KIAA0586: variants seen among roughly 807,000 people sequenced by gnomAD.
KIAA0586 encodes the protein KIAA0586.
In KIAA0586, 144 loss-of-function variants were observed where a neutral mutation model predicts 169.8. The ratio of observed to expected loss-of-function variants is 0.85; its 90% CI spans 0.74 to 0.97. KIAA0586 has a LOEUF of 0.97. Among genes scored for constraint, KIAA0586 ranks in the 50% least tolerant of loss-of-function variants. The pLI is 0.00. For synonymous variants in KIAA0586, 625 were observed against 612.4 expected (o/e 1.02, Z -0.30); for missense variants, 1,854 against 1,823.0 (o/e 1.02, Z -0.31).
chr14:58,456,679 G>A lies in KIAA0586; in HGVS notation c.1254-23G>A, dbSNP rs572804515. ...AACTTTTTCAAAAATCTTCTGTAGC[G>A]TTGAAACTCTACCTTCTCAAAGATT... On this transcript the variant is annotated intron_variant, in intron 9 of 30. Coordinates refer to ENST00000652326, the MANE Select transcript of KIAA0586 (RefSeq NM_001329943.3). 98 of 1,381,238 alleles carry A rather than the reference G, an allele frequency of 7.1e-5. No homozygotes were observed. In the East Asian group the frequency reaches 1.2e-3, roughly 17 times the overall value. The allele number at this position is 1,381,238 out of a possible 1,614,324, so 85.6% of individuals were successfully genotyped here.
chr14:58,510,122 G>A (rs552295818), intron 28 of KIAA0586, among the ~76,000 whole-genome samples: 26 of 152,336 alleles, frequency 1.7e-4, no homozygotes, highest in Non-Finnish European at 2.8e-4. Context: ...TGTAATCCCA[G>A]CACTTTGGGA....
At chr14:58,531,145 G>A (rs1248143537) in intron 29 of KIAA0586, among the ~76,000 whole-genome samples, 1 of 148,586 alleles carries the variant, frequency 6.7e-6, no homozygotes, top group African/African-American at 2.5e-5. Flanking sequence ...GTGAAACCCC[G>A]TCTCTACTAA....
At chr14:58,506,866 G>T (rs1160376318) in intron 27 of KIAA0586, among the ~76,000 whole-genome samples, 1 of 135,182 alleles carries the variant, frequency 7.4e-6, no homozygotes, top group Non-Finnish European at 1.6e-5. Context: ...TTCAGGCTGG[G>T]TGCAGTGCAG....
chr14:58,511,602 G>A (rs560431306), intron 28 of KIAA0586, among the ~76,000 whole-genome samples: 129 of 152,276 alleles, frequency 8.5e-4, no homozygotes, highest in Non-Finnish European at 1.7e-3. Context: ...ACCCATCTTA[G>A]AAATACACAC....
chr14:58,473,867 T>C (rs1236889936), intron 18 of KIAA0586, among the ~76,000 whole-genome samples: 5 of 151,936 alleles, frequency 3.3e-5, no homozygotes, highest in African/African-American at 4.8e-5. Flanking sequence ...GATCGCACCA[T>C]TGGACTCCAG....
Position 58,490,229 on chromosome 14 carries a change from G to A in KIAA0586, c.3847G>A (p.Ala1283Thr). The part of the protein sequence containing the change: ...NDSLSSTLHD[A>T]VEMEDDPPSE... ...TAGCTTATCCAGCACTCTGCATGATGCCGTTGAAATGGTAAGTAACGATTG... is the reference window on the plus strand; with the variant it reads ...TAGCTTATCCAGCACTCTGCATGATACCGTTGAAATGGTAAGTAACGATTG... Residue 1283 changes from alanine (A) to threonine (T), a missense_variant, in exon 25 of 31, where the codon GCC (alanine) becomes ACC (threonine). Physicochemically the swap from Ala to Thr is moderately conservative, Grantham distance 58. Transcript: ENST00000652326. 1 of 1,530,796 alleles carries A rather than the reference G, an allele frequency of 6.5e-7. No individual in the cohort carries two copies. Among genetic ancestry groups the A allele is most frequent in the East Asian group, 2.4e-5 (1 of 41,272 alleles). The allele number at this position is 1,530,796 out of a possible 1,614,324, so 94.8% of individuals were successfully genotyped here.
At chr14:58,539,293 T>C (rs2140092324) in intron 29 of KIAA0586, among the ~76,000 whole-genome samples, 1 of 152,328 alleles carries the variant, frequency 6.6e-6, no homozygotes, top group South Asian at 2.1e-4. Context: ...AACTGATTTT[T>C]ATCTTAAAGA....
chr14:58,515,259 A>G (rs1213183853), intron 29 of KIAA0586, among the ~76,000 whole-genome samples: 3 of 152,074 alleles, frequency 2.0e-5, no homozygotes. Flanking sequence ...TAAGTATCAA[A>G]GTGCTAAAAG....
At chr14:58,469,975 G>A (rs1289980393) in intron 16 of KIAA0586, among the ~76,000 whole-genome samples, 1 of 151,796 alleles carries the variant, frequency 6.6e-6, no homozygotes. Context: ...CATTTCACCA[G>A]TACTTCCAAG....
intron 29 of KIAA0586, among the ~76,000 whole-genome samples, chr14:58,518,639 A>G (rs1022326242): frequency 1.3e-5 from 2 of 152,198 alleles, no homozygotes; most frequent in Non-Finnish European, 2.9e-5. Flanking sequence ...ACTAAGCTTC[A>G]ATGCCTTTTT....
chr14:58,482,533 G>A lies in KIAA0586; in HGVS notation c.2965G>A (p.Ala989Thr), dbSNP rs767605168. The change falls in exon 21 of 31, where the codon GCC becomes ACC. Residue 989 changes from alanine to threonine, a missense_variant. Transcript: ENST00000652326. Reference sequence around the variant, plus strand: ...TTTAGTGGAAGGAACAAGCAGTGGCGCCCTCCAGCTTTTTGTTGATGCTGG... The same window carrying A: ...TTTAGTGGAAGGAACAAGCAGTGGCACCCTCCAGCTTTTTGTTGATGCTGG... The part of the protein sequence containing the change: ...SDIVEGTSSG[A>T]LQLFVDAGVP... The A allele has an allele frequency of 3.6e-5, 55 of 1,533,518 alleles. No homozygotes were observed. The highest frequency in any genetic ancestry group is 1.8e-4 in the Middle Eastern group (1 of 5,678). 95.0% of individuals were successfully genotyped at this position (1,533,518 alleles called of 1,614,324 possible). A position where few individuals can be genotyped will look rare whatever the true frequency, so the allele number is the denominator to read the frequency against.
intron 27 of KIAA0586, among the ~76,000 whole-genome samples, chr14:58,499,542 G>A (rs760412533): frequency 3.4e-5 from 5 of 148,216 alleles, no homozygotes; most frequent in Admixed American, 6.7e-5. Flanking sequence ...GTGAGCCACC[G>A]CGCCTAGCCT....
At chr14:58,539,967 C>T (rs772934950) in intron 29 of KIAA0586, 104 bp from the exon 30 acceptor site, 22 of 656,366 alleles carry the variant, frequency 3.4e-5, no homozygotes, top group Admixed American at 8.4e-5. Flanking sequence ...ATGAGAATAA[C>T]GGTGGGAGTG....
chr14:58,551,718 A>G (rs1190465791), downstream of KIAA0586, among the ~76,000 whole-genome samples: 1 of 152,028 alleles, frequency 6.6e-6, no homozygotes, highest in Non-Finnish European at 1.5e-5. Context: ...GTGAGCTGAG[A>G]TTGCGCCACT....
At chr14:58,514,319 G>C (rs2044601254) in intron 29 of KIAA0586, among the ~76,000 whole-genome samples, 1 of 151,960 alleles carries the variant, frequency 6.6e-6, no homozygotes, top group African/African-American at 2.4e-5. Context: ...GGGTGACCTT[G>C]AAGGAATTCA....
At chr14:58,497,870 ATTTTTTTTT>A (rs557927775) in intron 26 of KIAA0586, among the ~76,000 whole-genome samples, 12 of 95,240 alleles carry the variant, frequency 1.3e-4, no homozygotes, top group Non-Finnish European at 1.9e-4. Flanking sequence ...AGTGGTTTTG[ATTTTTTTTT>A]TTTTTTTTTT....
chr14:58,475,297 G>A (rs1005733749), intron 19 of KIAA0586, among the ~76,000 whole-genome samples: 1 of 152,158 alleles, frequency 6.6e-6, no homozygotes, highest in African/African-American at 2.4e-5. Context: ...GTGCATGTGA[G>A]GGATCTAGGT....
At position 58,448,498 on chromosome 14, in the gene KIAA0586, A is replaced by G. The variant is rs747579134; in HGVS notation, c.961+5A>G. On this transcript the variant is annotated splice_donor_5th_base_variant and intron_variant, in intron 7 of 30. Coordinates refer to ENST00000652326, the MANE Select transcript of KIAA0586 (RefSeq NM_001329943.3). The stretch of plus-strand genomic sequence containing the variant: ...ACACATTTGCTTCCAAACAAGGTAA[A>G]AATATGTAGTTCTCTATGAATAAAA... 3.1e-6 allele frequency: 5 copies of G among 1,590,398 alleles called. No individual in the cohort carries two copies. Among genetic ancestry groups the G allele is most frequent in the Non-Finnish European group, 4.3e-6 (5 of 1,163,864 alleles).
chr14:58,492,775 G>T (rs1352063334), intron 26 of KIAA0586, among the ~76,000 whole-genome samples: 1 of 152,216 alleles, frequency 6.6e-6, no homozygotes, highest in Non-Finnish European at 1.5e-5. Context: ...AGTCTTTAAA[G>T]ATGGAGTAGG....
Sources: allele counts gnomAD v4.1 joint callset (sites outside exome capture counted in the v4.1 genomes callset), GRCh38; gene constraint gnomAD v4.1.1; transcripts MANE v1.5; gene names NCBI Gene and HGNC (gene_info 2026-07-23, HGNC 2026-07-21).